KIRREL3: variants seen among roughly 807,000 people sequenced by gnomAD.
The protein encoded by KIRREL3 is kirre like nephrin family adhesion molecule 3.
Under a neutral mutation model 89.7 loss-of-function variants are expected in KIRREL3, and 36 were observed. The ratio of observed to expected loss-of-function variants is 0.40; its 90% CI spans 0.31 to 0.53. The LOEUF (loss-of-function observed/expected upper bound fraction) is 0.53. Ranked by LOEUF, KIRREL3 falls within the 20% of genes least tolerant of loss-of-function variation. The pLI is 0.49. For synonymous variants in KIRREL3, 445 were observed against 441.4 expected (o/e 1.01, Z -0.10); for missense variants, 864 against 1,056.6 (o/e 0.82, Z 2.53).
intron 1 of KIRREL3, among the ~76,000 whole-genome samples, chr11:126,625,519 A>G (rs1251762688): frequency 6.6e-6 from 1 of 152,140 alleles, no homozygotes; most frequent in East Asian, 1.9e-4. Context: ...TTGAAACAAG[A>G]CAAATCCAAT....
rs1462984489 is a variant in KIRREL3, at chr11:126,812,892, C to G, written c.55+187563G>C. On this transcript the variant is annotated intron_variant, in intron 1 of 16. Transcript: ENST00000525144. The surrounding 1 kb of genome is among the most constrained non-coding windows in gnomAD (Gnocchi z 5.2). ...GTGGCCTACGGGAATCTGCGCACCT[C>G]TGCTGTGACCGGGAAGCTGGGCTCT... Among the ~76,000 whole-genome samples, 1 of 152,210 alleles carries G rather than the reference C, an allele frequency of 6.6e-6. No individual in the cohort carries two copies. The highest frequency in any genetic ancestry group is 1.5e-5 in the Non-Finnish European group (1 of 68,040).
chr11:126,573,214 GC>G (rs1190112918), intron 1 of KIRREL3, among the ~76,000 whole-genome samples: 1 of 152,206 alleles, frequency 6.6e-6, no homozygotes, highest in East Asian at 1.9e-4. Flanking sequence ...CAGTGGGCAT[GC>G]GTTGCCTCGC....
intron 1 of KIRREL3, among the ~76,000 whole-genome samples, chr11:126,845,964 C>CA (rs1944127619): frequency 1.3e-5 from 2 of 152,186 alleles, no homozygotes; most frequent in East Asian, 3.9e-4. Context: ...AAAAAAAACA[C>CA]AAAAAACCTC....
chr11:127,000,093 C>T lies in KIRREL3; in HGVS notation c.55+362G>A, dbSNP rs1282084077. ...TGCCGTCTCCTTCCCTGGCCTGGGTCTGAAGGAGAGGAGGTGCCCAGAAGT... is the reference window on the plus strand; with the variant it reads ...TGCCGTCTCCTTCCCTGGCCTGGGTTTGAAGGAGAGGAGGTGCCCAGAAGT... On this transcript the variant is annotated intron_variant, in intron 1 of 16. Transcript: ENST00000525144. This position sits in a 1 kb window ranked among gnomAD's most constrained non-coding sequence, Gnocchi z 7.1. Among the ~76,000 whole-genome samples the T allele has an allele frequency of 2.0e-5, 3 of 152,122 alleles. No homozygotes were observed. Among genetic ancestry groups the T allele is most frequent in the African/African-American group, 7.2e-5 (3 of 41,414 alleles).
intron 6 of KIRREL3, among the ~76,000 whole-genome samples, chr11:126,457,386 CGTGT>C (rs367546585): frequency 8.4e-4 from 116 of 137,582 alleles, no homozygotes; most frequent in African/African-American, 2.8e-3. Flanking sequence ...TGTGTGTATG[CGTGT>C]GTGTGTATGT....
chr11:127,002,065 A>G (rs539709977), upstream of KIRREL3, among the ~76,000 whole-genome samples: 2 of 152,174 alleles, frequency 1.3e-5, no homozygotes, highest in African/African-American at 4.8e-5. Context: ...TCTTTTGAGG[A>G]CTCTGCTCAC....
At chr11:126,722,425 T>C (rs1948211741) in intron 1 of KIRREL3, among the ~76,000 whole-genome samples, 1 of 152,286 alleles carries the variant, frequency 6.6e-6, no homozygotes. Context: ...TTATGTTTTC[T>C]GTTTAGCTCT....
At chr11:126,497,195 T>C (rs1053622865) in intron 4 of KIRREL3, among the ~76,000 whole-genome samples, 1 of 52,968 alleles carries the variant, frequency 1.9e-5, no homozygotes, top group Non-Finnish European at 3.7e-5. Context: ...AGAGTGTGAG[T>C]GTGTGTGAGT....
intron 1 of KIRREL3, among the ~76,000 whole-genome samples, chr11:126,863,847 C>T (rs1944832457): frequency 6.6e-6 from 1 of 152,202 alleles, no homozygotes; most frequent in Admixed American, 6.5e-5. Flanking sequence ...CCCTGCCTCC[C>T]TCCCGTGCCA....
rs1252982076 is a variant in KIRREL3, at chr11:126,761,795, A to G, written c.56-198883T>C. Among the ~76,000 whole-genome samples, 2 of 152,162 alleles carry G rather than the reference A, an allele frequency of 1.3e-5. No individual in the cohort carries two copies. The highest frequency in any genetic ancestry group is 4.8e-5 in the African/African-American group (2 of 41,434). ...TTGTCTTGGTTTTATCTTCATTCCT[A>G]TGAACTCTCTTGGGAAGAAGTCTCC... On this transcript the variant is annotated intron_variant, in intron 1 of 16. Transcript: ENST00000525144. The surrounding 1 kb of genome is among the most constrained non-coding windows in gnomAD (Gnocchi z 4.4).
chr11:126,960,158 G>A (rs1259047325), intron 1 of KIRREL3, among the ~76,000 whole-genome samples: 1 of 152,034 alleles, frequency 6.6e-6, no homozygotes. Context: ...TTGGCCTGAC[G>A]CAGGAGACAA....
rs1294421867 is a variant in KIRREL3 at position 126,523,804 on chromosome 11, T to C, written c.284-2340A>G. Among the ~76,000 whole-genome samples, 1 of 152,148 alleles carries C rather than the reference T, an allele frequency of 6.6e-6. No individual in the cohort carries two copies. Among genetic ancestry groups the C allele is most frequent in the African/African-American group, 2.4e-5 (1 of 41,432 alleles). On this transcript the variant is annotated intron_variant, in intron 3 of 16. Transcript: ENST00000525144. This position sits in a 1 kb window ranked among gnomAD's most constrained non-coding sequence, Gnocchi z 4.9. ...CCACTATCCTGTGATTAGTCCCTGG[T>C]CTCCTGCAGGCATCTTGGCTGGAGC... is the stretch of plus-strand genomic sequence containing the variant.
chr11:126,776,628 G>T lies in KIRREL3; in HGVS notation c.56-213716C>A, dbSNP rs1555193199. Among the ~76,000 whole-genome samples the T allele has an allele frequency of 6.6e-6, 1 of 152,194 alleles. No individual in the cohort carries two copies. The highest frequency in any genetic ancestry group is 1.5e-5 in the Non-Finnish European group (1 of 68,036). On this transcript the variant is annotated intron_variant, in intron 1 of 16. Coordinates refer to ENST00000525144, the MANE Select transcript of KIRREL3 (RefSeq NM_032531.4). This position sits in a 1 kb window ranked among gnomAD's most constrained non-coding sequence, Gnocchi z 4.7. ...CTCAAAAGCTTGCAGAAACACTTTA[G>T]TTGAACAAGTCTCTGGGACAAACCA...
chr11:126,923,222 C>A lies in KIRREL3; in HGVS notation c.55+77233G>T, dbSNP rs1313052346. On this transcript the variant is annotated intron_variant, in intron 1 of 16. Transcript: ENST00000525144. ...TCTTCTTCTTCTTCTTCTTCTTCTT[C>A]TTCTTCTTCTTCTTCTTCTTCTTCT... Among the ~76,000 whole-genome samples the A allele has an allele frequency of 6.0e-5, 2 of 33,356 alleles. 1 individual carries two copies. Among genetic ancestry groups the A allele is most frequent in the African/African-American group, 2.8e-4 (2 of 7,212 alleles). 21.9% of individuals were successfully genotyped at this position (33,356 alleles called of 152,430 possible).
rs1820799829 is a variant in KIRREL3, at chr11:126,519,261, G to A, written c.433+2054C>T. On this transcript the variant is annotated intron_variant, in intron 4 of 16. Coordinates refer to ENST00000525144, the MANE Select transcript of KIRREL3 (RefSeq NM_032531.4). This position sits in a 1 kb window ranked among gnomAD's most constrained non-coding sequence, Gnocchi z 4.3. ...GGATCCTGAGGCCCTGCTCTGAGAA[G>A]CCTGGCCCCTCACCAGCCAGACAGA... Among the ~76,000 whole-genome samples the A allele has an allele frequency of 6.6e-6, 1 of 152,220 alleles. No homozygotes were observed. Among genetic ancestry groups the A allele is most frequent in the Admixed American group, 6.5e-5 (1 of 15,284 alleles).
rs995173753 is a variant in KIRREL3, at chr11:126,508,154, C to A, written c.433+13161G>T. On this transcript the variant is annotated intron_variant, in intron 4 of 16. Transcript: ENST00000525144. This position sits in a 1 kb window ranked among gnomAD's most constrained non-coding sequence, Gnocchi z 4.9. ...TAACATTGTTTCTGACATATTTTCA[C>A]ATGAAAACCTCTTCCTTTATATAAA... Among the ~76,000 whole-genome samples, 2 of 152,240 alleles carry A rather than the reference C, an allele frequency of 1.3e-5. No individual in the cohort carries two copies. Among genetic ancestry groups the A allele is most frequent in the Non-Finnish European group, 2.9e-5 (2 of 68,048 alleles).
intron 1 of KIRREL3, among the ~76,000 whole-genome samples, chr11:126,952,156 C>T (rs1236151125): frequency 3.9e-5 from 6 of 152,142 alleles, no homozygotes; most frequent in Non-Finnish European, 7.4e-5. Context: ...GAGGCCGAGG[C>T]CGGTGGATCA....
chr11:126,969,331 T>C lies in KIRREL3; in HGVS notation c.55+31124A>G, dbSNP rs1949365614. Among the ~76,000 whole-genome samples, 1 of 152,090 alleles carries C rather than the reference T, an allele frequency of 6.6e-6. No homozygotes were observed. The highest frequency in any genetic ancestry group is 1.5e-5 in the Non-Finnish European group (1 of 68,020). The stretch of plus-strand genomic sequence containing the variant: ...AATGCTGGCCTTCCAAGGAGAGAGT[T>C]GTCCACTGGGGAAAACGCCTGGGCA... On this transcript the variant is annotated intron_variant, in intron 1 of 16. Coordinates refer to ENST00000525144, the MANE Select transcript of KIRREL3 (RefSeq NM_032531.4). This position sits in a 1 kb window ranked among gnomAD's most constrained non-coding sequence, Gnocchi z 4.9.
rs182325907 is a variant in KIRREL3, at chr11:126,550,089, C to G, written c.133+12746G>C. On this transcript the variant is annotated intron_variant, in intron 2 of 16. Transcript: ENST00000525144. The surrounding 1 kb of genome is among the most constrained non-coding windows in gnomAD (Gnocchi z 4.9). ...TGTAGTTGCTGACGTGTTTGTCTCT[C>G]CCCGCAAGACAGTGGTATCCTTGGG... is the stretch of plus-strand genomic sequence containing the variant. 6 of 152,328 alleles carry G rather than the reference C, an allele frequency of 3.9e-5. No homozygotes were observed. In the East Asian group the frequency reaches 9.6e-4, roughly 24 times the overall value. The allele number at this position is 152,328 out of a possible 1,614,324, so 9.4% of individuals were successfully genotyped here.
Sources: allele counts gnomAD v4.1 joint callset (sites outside exome capture counted in the v4.1 genomes callset), GRCh38; gene constraint gnomAD v4.1.1; non-coding constraint Gnocchi (gnomAD v3.1); transcripts MANE v1.5; gene names NCBI Gene and HGNC (gene_info 2026-07-23, HGNC 2026-07-21).